Variants in CHD1 observed in about 807,000 individuals in gnomAD.
CHD1 encodes the protein chromodomain helicase DNA binding protein 1.
Under a neutral mutation model 224.2 loss-of-function variants are expected in CHD1, and 36 were observed. The ratio of observed to expected loss-of-function variants is 0.16; its 90% CI spans 0.12 to 0.21. The LOEUF (loss-of-function observed/expected upper bound fraction) is 0.21. CHD1 is among the 10% of genes least tolerant of loss of function. The probability of loss-of-function intolerance (pLI) is 1.00; values close to 1 mark genes in which losing one functional copy is unlikely to be tolerated. For missense variants in CHD1, 1,378 were observed against 1,994.8 expected (o/e 0.69, Z 5.89); for synonymous variants, 668 against 658.3 (o/e 1.01, Z -0.23).
chr5:98,869,558 C>T (rs1749156989), intron 30 of CHD1, 196 bp downstream of exon 30: 2 of 591,532 alleles, frequency 3.4e-6, no homozygotes, highest in African/African-American at 3.8e-5. Context: ...ATCTACTGGA[C>T]AGTTAGAATT....
intron 2 of CHD1, among the ~76,000 whole-genome samples, chr5:98,905,345 G>T (rs1751979894): frequency 6.6e-6 from 1 of 151,832 alleles, no homozygotes; most frequent in African/African-American, 2.4e-5. Flanking sequence ...AGATTTTTAT[G>T]GCTAAAACAT....
rs1280626446 is a variant in CHD1 at position 98,928,979 on chromosome 5, T to C, written c.-589A>G. The C allele has an allele frequency of 1.3e-5, 2 of 152,718 alleles. No individual in the cohort carries two copies. Among genetic ancestry groups the C allele is most frequent in the Non-Finnish European group, 2.9e-5 (2 of 68,378 alleles). The allele number at this position is 152,718 out of a possible 1,614,324, so 9.5% of individuals were successfully genotyped here. A position where few individuals can be genotyped will look rare whatever the true frequency, so the allele number is the denominator to read the frequency against. ...TCCCGCGCGACGTAAGCGCCTCTGC[T>C]CACTCCCCTTCCCGACAGAGCGCGA... On this transcript the variant is annotated 5_prime_UTR_variant, in exon 1 of 36. Coordinates refer to ENST00000614616, the MANE Select transcript of CHD1 (RefSeq NM_001270.4).
At chr5:98,895,489 C>T (rs987210870) in intron 12 of CHD1, among the ~76,000 whole-genome samples, 2 of 152,084 alleles carry the variant, frequency 1.3e-5, no homozygotes, top group Admixed American at 6.5e-5. Flanking sequence ...TGGTGGCTCA[C>T]GCCTGTAAAT....
At chr5:98,887,447 T>C (rs1750726029) in intron 17 of CHD1, among the ~76,000 whole-genome samples, 1 of 152,188 alleles carries the variant, frequency 6.6e-6, no homozygotes, top group Non-Finnish European at 1.5e-5. Flanking sequence ...ACTAGCTGTA[T>C]CTACATAATG....
At chr5:98,925,027 T>C (rs1330448700) in intron 2 of CHD1, among the ~76,000 whole-genome samples, 1 of 151,754 alleles carries the variant, frequency 6.6e-6, no homozygotes, top group Non-Finnish European at 1.5e-5. Flanking sequence ...CAAATACAAA[T>C]ACCACTATTT....
At position 98,859,004 on chromosome 5, in the gene CHD1, A is replaced by G; in HGVS notation, c.4536T>C (p.Asp1512=). ...KKRQESQQNS[D]QNSNLNPHVI... ...CGTGAGGATTCAAGTTGCTGTTTTG[A>G]TCACTGTTTTGCTAAAATAAATGCA... is the stretch of plus-strand genomic sequence containing the variant. Residue 1512 remains aspartate (D), a synonymous_variant, in exon 34 of 36, where the codon GAT becomes GAC. Coordinates refer to ENST00000614616, the MANE Select transcript of CHD1 (RefSeq NM_001270.4). The G allele has an allele frequency of 6.3e-7, 1 of 1,578,526 alleles. No individual in the cohort carries two copies. The highest frequency in any genetic ancestry group is 8.6e-7 in the Non-Finnish European group (1 of 1,168,376).
chr5:98,915,298 A>G (rs1342269222), intron 2 of CHD1, among the ~76,000 whole-genome samples: 2 of 152,220 alleles, frequency 1.3e-5, no homozygotes, highest in Admixed American at 6.5e-5. Flanking sequence ...TAAACTATCA[A>G]TCCAAGACAA....
chr5:98,889,257 G>A lies in CHD1; in HGVS notation c.2181-19C>T, dbSNP rs780545692. Reference sequence around the variant, plus strand: ...AATCCATCTTAAAAAAAAAAATTATGAAAACGATGTTTAGCAGAACAATTA... The same window carrying A: ...AATCCATCTTAAAAAAAAAAATTATAAAAACGATGTTTAGCAGAACAATTA... On this transcript the variant is annotated intron_variant, in intron 15 of 35. Coordinates refer to ENST00000614616, the MANE Select transcript of CHD1 (RefSeq NM_001270.4). The A allele has an allele frequency of 4.7e-5, 72 of 1,520,802 alleles. No homozygotes were observed. In the South Asian group the frequency reaches 8.1e-4, roughly 17 times the overall value. 94.2% of individuals were successfully genotyped at this position (1,520,802 alleles called of 1,614,324 possible).
chr5:98,909,802 T>G (rs327792), intron 2 of CHD1, among the ~76,000 whole-genome samples: 48,546 of 152,084 alleles, frequency 0.32, 9,351 homozygotes, highest in African/African-American at 0.54. Context: ...TGAACTTATT[T>G]TATAAATTTT....
intron 19 of CHD1, 58 bp downstream of exon 19, chr5:98,883,030 C>CAAA: frequency 1.7e-5 from 14 of 845,046 alleles, no homozygotes; most frequent in South Asian, 6.9e-5. Context: ...AAATCACTTC[C>CAAA]AAAAAAAAAA....
intron 32 of CHD1, 103 bp from the exon 33 acceptor site, chr5:98,860,171 C>CACAG (rs1748357548): frequency 2.8e-6 from 2 of 704,038 alleles, no homozygotes; most frequent in African/African-American, 1.8e-5. Context: ...TATACACATA[C>CACAG]ACAGCCCTCT....
intron 2 of CHD1, among the ~76,000 whole-genome samples, chr5:98,913,975 C>T (rs1426308529): frequency 6.6e-6 from 1 of 152,088 alleles, no homozygotes; most frequent in Admixed American, 6.5e-5. Context: ...GTGCCCCTCC[C>T]TATCCACCCA....
intron 11 of CHD1, 131 bp from the exon 12 acceptor site, chr5:98,896,573 T>C (rs1028946401): frequency 1.9e-5 from 12 of 617,566 alleles, no homozygotes; most frequent in African/African-American, 3.7e-5. Flanking sequence ...ATACCACTTT[T>C]ATTAACTACA....
At chr5:98,911,594 G>A (rs1042217579) in intron 2 of CHD1, among the ~76,000 whole-genome samples, 1 of 152,090 alleles carries the variant, frequency 6.6e-6, no homozygotes, top group Non-Finnish European at 1.5e-5. Flanking sequence ...CCATGTCCTG[G>A]TGATTGAATG....
At chr5:98,887,405 AT>A (rs1453876378) in intron 17 of CHD1, among the ~76,000 whole-genome samples, 1 of 152,040 alleles carries the variant, frequency 6.6e-6, no homozygotes, top group Admixed American at 6.5e-5. Context: ...TTTTACTGCT[AT>A]TTTACTATCT....
intron 11 of CHD1, 139 bp from the exon 12 acceptor site, chr5:98,896,581 A>G: frequency 3.3e-6 from 2 of 612,944 alleles, no homozygotes; most frequent in South Asian, 2.1e-5. Context: ...TTTATTAACT[A>G]CAAATAATAA....
At chr5:98,894,359 T>C (rs1055448271) in intron 13 of CHD1, among the ~76,000 whole-genome samples, 1 of 152,202 alleles carries the variant, frequency 6.6e-6, no homozygotes, top group Non-Finnish European at 1.5e-5. Context: ...ATAGTAAATA[T>C]TTCAGACTTT....
chr5:98,927,252 C>A (rs1490726821), intron 1 of CHD1, among the ~76,000 whole-genome samples: 1 of 152,010 alleles, frequency 6.6e-6, no homozygotes, highest in Non-Finnish European at 1.5e-5. Flanking sequence ...CAAGACACAC[C>A]ATTTCCACCT....
chr5:98,914,595 G>C (rs973341135), intron 2 of CHD1, among the ~76,000 whole-genome samples: 2 of 152,096 alleles, frequency 1.3e-5, no homozygotes, highest in Non-Finnish European at 1.5e-5. Context: ...CTGGAAATGG[G>C]GGAAATGCAA....
Sources: allele counts gnomAD v4.1 joint callset (sites outside exome capture counted in the v4.1 genomes callset), GRCh38; gene constraint gnomAD v4.1.1; transcripts MANE v1.5; gene names NCBI Gene and HGNC (gene_info 2026-07-23, HGNC 2026-07-21).